Variants in SRGAP3 observed in about 807,000 individuals in gnomAD.
The protein encoded by SRGAP3 is SLIT-ROBO Rho GTPase-activating protein 3.
In SRGAP3, 39 loss-of-function variants were observed where a neutral mutation model predicts 121.1. The ratio of observed to expected loss-of-function variants is 0.32; its 90% confidence interval spans 0.25 to 0.42. The LOEUF is 0.42. SRGAP3 is among the 10% of genes least tolerant of loss of function. The pLI, the probability that SRGAP3 is intolerant of heterozygous loss-of-function variation, is 1.00. For synonymous variants in SRGAP3, 601 were observed against 570.0 expected (o/e 1.05, Z -0.77); for missense variants, 1,213 against 1,470.6 (o/e 0.82, Z 2.86).
At chr3:9,292,334 T>A (rs1403528295) in intron 3 of SRGAP3, among the ~76,000 whole-genome samples, 1 of 152,156 alleles carries the variant, frequency 6.6e-6, no homozygotes, top group Admixed American at 6.5e-5. Flanking sequence ...AGACCACACG[T>A]TGAGAACCAC....
intron 1 of SRGAP3, among the ~76,000 whole-genome samples, chr3:9,132,083 G>A (rs1481235255): frequency 6.6e-6 from 1 of 152,116 alleles, no homozygotes; most frequent in Admixed American, 6.6e-5. Context: ...CTTCAGATCA[G>A]TCTTTTTTTT....
intron 3 of SRGAP3, among the ~76,000 whole-genome samples, chr3:9,285,452 A>G (rs2125267386): frequency 6.6e-6 from 1 of 152,100 alleles, no homozygotes; most frequent in East Asian, 1.9e-4. Context: ...GAGGAGACTC[A>G]TATTTGAGAG....
chr3:9,347,589 T>C (rs1955930039), intron 1 of SRGAP3, among the ~76,000 whole-genome samples: 1 of 152,180 alleles, frequency 6.6e-6, no homozygotes, highest in African/African-American at 2.4e-5. Flanking sequence ...AGATTCATAC[T>C]CTTTATTAGA....
chr3:9,146,630 G>C (rs1170919000), intron 1 of SRGAP3, among the ~76,000 whole-genome samples: 3 of 152,192 alleles, frequency 2.0e-5, no homozygotes, highest in Admixed American at 6.5e-5. Flanking sequence ...AAGCTTGGCA[G>C]AGTTAAGGGA....
chr3:9,024,452 A>G (rs1482351598), intron 14 of SRGAP3, among the ~76,000 whole-genome samples: 1 of 152,196 alleles, frequency 6.6e-6, no homozygotes, highest in Admixed American at 6.5e-5. Flanking sequence ...CAGCAGTGAG[A>G]TAAGCACTGA....
At chr3:9,055,391 T>C (rs1945772075) in intron 8 of SRGAP3, among the ~76,000 whole-genome samples, 1 of 152,228 alleles carries the variant, frequency 6.6e-6, no homozygotes. Context: ...CCTGGTGTCC[T>C]TTCTCCAGGG....
chr3:9,021,162 G>C (rs1943899143), intron 14 of SRGAP3, among the ~76,000 whole-genome samples: 1 of 152,206 alleles, frequency 6.6e-6, no homozygotes, highest in African/African-American at 2.4e-5. Context: ...GTCTCAGAAG[G>C]GGCAGATCCA....
At chr3:9,091,108 G>A (rs1160428489) in intron 3 of SRGAP3, among the ~76,000 whole-genome samples, 3 of 151,680 alleles carry the variant, frequency 2.0e-5, no homozygotes, top group Admixed American at 6.6e-5. Context: ...ACACACATAC[G>A]CCCTTTCATT....
In SRGAP3 at chr3:8,985,787, C is replaced by T. The variant is rs772464444; in HGVS notation, c.3032G>A (p.Ser1011Asn). Residue 1011 changes from serine (S) to asparagine (N), a missense_variant, in exon 22 of 22, where the codon AGT becomes AAT. Around this residue, in one of 2 missense-constraint regions of SRGAP3, gnomAD observed 420 missense variants for 437.7 expected, o/e 0.96. Transcript: ENST00000383836. The surrounding 1 kb of genome is among the most constrained non-coding windows in gnomAD (Gnocchi z 5.1). ...PPGPVSSEPA[S>N]PLHTIVIRDP... ...GCGGATGACGATGGTGTGAAGGGGA[C>T]TGGCGGGCTCCGAGCTGACGGGGCC... 1.9e-6 allele frequency: 3 copies of T among 1,600,344 alleles called. No individual in the cohort carries two copies. The highest frequency in any genetic ancestry group is 2.2e-5 in the South Asian group (2 of 91,062).
chr3:9,356,461 CT>C (rs1213334637), intron 1 of SRGAP3, among the ~76,000 whole-genome samples: 5 of 150,466 alleles, frequency 3.3e-5, no homozygotes, highest in Non-Finnish European at 7.4e-5. Context: ...AAAGTGCTGC[CT>C]CCCGGGTTCA....
upstream of SRGAP3, among the ~76,000 whole-genome samples, chr3:9,253,258 G>A (rs1477442450): frequency 2.6e-5 from 4 of 152,148 alleles, no homozygotes; most frequent in South Asian, 2.1e-4. Flanking sequence ...ATTCTATCCC[G>A]GAGGAATCAG....
chr3:9,361,937 C>A (rs1209666689), intron 1 of SRGAP3, among the ~76,000 whole-genome samples: 3 of 152,158 alleles, frequency 2.0e-5, no homozygotes, highest in African/African-American at 7.2e-5. Flanking sequence ...ATTTTTTAAA[C>A]ATGGGATCCA....
At chr3:9,222,508 C>G (rs945078651) in intron 1 of SRGAP3, among the ~76,000 whole-genome samples, 5 of 152,198 alleles carry the variant, frequency 3.3e-5, no homozygotes, top group African/African-American at 1.2e-4. Flanking sequence ...GCTTACAATT[C>G]AAAGTTCTGA....
At chr3:9,331,380 T>C (rs1395791106) in intron 1 of SRGAP3, among the ~76,000 whole-genome samples, 1 of 152,210 alleles carries the variant, frequency 6.6e-6, no homozygotes, top group Non-Finnish European at 1.5e-5. Flanking sequence ...TGATGGGGAC[T>C]GACTTTGGAA....
intron 8 of SRGAP3, among the ~76,000 whole-genome samples, chr3:9,054,524 C>T (rs1388768707): frequency 1.3e-5 from 2 of 152,224 alleles, no homozygotes; most frequent in Admixed American, 6.5e-5. Context: ...CCAAATACAA[C>T]TTACATGTAT....
intron 21 of SRGAP3, among the ~76,000 whole-genome samples, chr3:8,989,631 A>T (rs1239861169): frequency 6.6e-6 from 1 of 152,196 alleles, no homozygotes; most frequent in African/African-American, 2.4e-5. Flanking sequence ...CCCCACACCA[A>T]ATTCCAGAGA....
chr3:9,118,851 C>T (rs1463936530), intron 2 of SRGAP3, among the ~76,000 whole-genome samples: 2 of 152,174 alleles, frequency 1.3e-5, no homozygotes, highest in South Asian at 2.1e-4. Flanking sequence ...ATACAGGACC[C>T]GTGACAGGCA....
chr3:9,327,806 CTTACACAG>C (rs1252911053), intron 2 of SRGAP3, among the ~76,000 whole-genome samples: 2 of 152,212 alleles, frequency 1.3e-5, no homozygotes, highest in African/African-American at 4.8e-5. Flanking sequence ...TCTTTCATGA[CTTACACAG>C]ACCATGTATG....
chr3:9,094,119 A>C (rs1947872161), intron 3 of SRGAP3, among the ~76,000 whole-genome samples: 1 of 152,154 alleles, frequency 6.6e-6, no homozygotes, highest in Non-Finnish European at 1.5e-5. Context: ...TATAATTCTG[A>C]CACTGCTGTG....
Sources: gnomAD v4.1 joint callset for allele counts (sites outside exome capture counted in the v4.1 genomes callset) on GRCh38, gnomAD v4.1.1 for gene constraint, gnomAD v4.1.1 regional missense constraint, Gnocchi (gnomAD v3.1) non-coding constraint, MANE v1.5 for transcripts, NCBI Gene and HGNC (gene_info 2026-07-23, HGNC 2026-07-21) for gene names.